DENND1A: variants seen among roughly 807,000 people sequenced by gnomAD.
DENND1A encodes DENN domain containing 1A, also known as DENN domain-containing protein 1A.
Under a neutral mutation model 113.7 loss-of-function variants are expected in DENND1A, and 51 were observed. The observed-to-expected ratio is 0.45, with a 90% CI of 0.36 to 0.57. The LOEUF (loss-of-function observed/expected upper bound fraction) is 0.57, where lower values mean the gene tolerates loss of function less well. DENND1A is among the 20% of genes least tolerant of loss of function. The pLI, the probability that DENND1A is intolerant of heterozygous loss-of-function variation, is 0.00. For synonymous variants in DENND1A, 565 were observed against 570.8 expected (o/e 0.99, Z 0.14); for missense variants, 1,258 against 1,395.9 (o/e 0.90, Z 1.57).
chr9:123,515,811 C>A (rs79152329), intron 13 of DENND1A, among the ~76,000 whole-genome samples: 2 of 151,794 alleles, frequency 1.3e-5, no homozygotes, highest in Admixed American at 6.6e-5. Context: ...CTGAGGTGGG[C>A]GGATCCCTTG....
chr9:123,453,967 G>A (rs1209050445), intron 16 of DENND1A, among the ~76,000 whole-genome samples: 1 of 152,200 alleles, frequency 6.6e-6, no homozygotes, highest in Non-Finnish European at 1.5e-5. Flanking sequence ...CCATACAAGA[G>A]GAACAAAGGA....
chr9:123,823,112 A>G (rs774970841), intron 2 of DENND1A, among the ~76,000 whole-genome samples: 1 of 152,198 alleles, frequency 6.6e-6, no homozygotes, highest in Non-Finnish European at 1.5e-5. Flanking sequence ...GGAACAACTG[A>G]GCAGTGAATA....
intron 5 of DENND1A, among the ~76,000 whole-genome samples, chr9:123,684,439 G>A (rs1248209736): frequency 1.3e-5 from 2 of 152,108 alleles, no homozygotes; most frequent in African/African-American, 4.8e-5. Context: ...AAGGAGGAAA[G>A]ACCCCAGAGC....
intron 16 of DENND1A, among the ~76,000 whole-genome samples, chr9:123,453,298 C>G (rs1177497346): frequency 6.6e-6 from 1 of 152,078 alleles, no homozygotes; most frequent in African/African-American, 2.4e-5. Context: ...TCAGGGAAGG[C>G]CTTGGAGGAT....
At chr9:123,843,861 A>G (rs1205560781) in intron 2 of DENND1A, among the ~76,000 whole-genome samples, 1 of 152,178 alleles carries the variant, frequency 6.6e-6, no homozygotes, top group Non-Finnish European at 1.5e-5. Flanking sequence ...TTCTAGTTAA[A>G]ATAAAGTACT....
chr9:123,483,508 G>C (rs1395869179), intron 13 of DENND1A, among the ~76,000 whole-genome samples: 1 of 152,246 alleles, frequency 6.6e-6, no homozygotes, highest in Non-Finnish European at 1.5e-5. Flanking sequence ...GAACACACAG[G>C]CTTCCCAGGC....
chr9:123,501,867 G>A (rs1470178446), intron 13 of DENND1A, among the ~76,000 whole-genome samples: 5 of 152,178 alleles, frequency 3.3e-5, no homozygotes, highest in Non-Finnish European at 7.3e-5. Flanking sequence ...TTGAAGATCA[G>A]ACTCCAAGTT....
intron 1 of DENND1A, among the ~76,000 whole-genome samples, chr9:123,902,174 T>TACACACACACACACAC (rs9299289): frequency 1.5e-5 from 2 of 132,050 alleles, no homozygotes; most frequent in South Asian, 2.4e-4. Flanking sequence ...CACACACACA[T>TACACACACACACACAC]ACACACACAC....
chr9:123,458,021 G>A (rs190811559), intron 13 of DENND1A, 124 bp from the exon 14 acceptor site: 26 of 624,976 alleles, frequency 4.2e-5, no homozygotes, highest in African/African-American at 3.7e-4. Flanking sequence ...TTTTTTTTGA[G>A]ATGGAGTCTC....
chr9:123,671,439 G>A, intron 6 of DENND1A, 68 bp from the exon 7 acceptor site: 1 of 1,492,878 alleles, frequency 6.7e-7, no homozygotes. Context: ...CTGCAGGGAG[G>A]TCTGGGCACA....
At chr9:123,914,761 C>T (rs1190882212) in intron 1 of DENND1A, among the ~76,000 whole-genome samples, 3 of 151,792 alleles carry the variant, frequency 2.0e-5, no homozygotes, top group African/African-American at 7.3e-5. Flanking sequence ...CTCTTTTAAA[C>T]AACCAGATCA....
chr9:123,761,983 C>T (rs897373108), intron 4 of DENND1A, among the ~76,000 whole-genome samples: 2 of 152,168 alleles, frequency 1.3e-5, no homozygotes, highest in Admixed American at 6.5e-5. Flanking sequence ...CCATCTCACC[C>T]AATTCTCATG....
chr9:123,487,823 G>A (rs910101062), intron 13 of DENND1A, among the ~76,000 whole-genome samples: 5 of 152,212 alleles, frequency 3.3e-5, no homozygotes, highest in Non-Finnish European at 4.4e-5. Context: ...GATATTTCTG[G>A]AGCCCTTATG....
intron 2 of DENND1A, among the ~76,000 whole-genome samples, chr9:123,830,884 A>T (rs1235585514): frequency 6.7e-6 from 1 of 149,686 alleles, no homozygotes; most frequent in African/African-American, 2.4e-5. Flanking sequence ...AAAAAAAAAA[A>T]AAAAAAAAAA....
intron 17 of DENND1A, 66 bp from the exon 18 acceptor site, chr9:123,450,815 C>A: frequency 2.2e-6 from 3 of 1,362,132 alleles, no homozygotes; most frequent in South Asian, 1.3e-5. Flanking sequence ...TGCTTGATTT[C>A]AGTCCATCGA....
At chr9:123,824,501 A>G (rs1488088218) in intron 2 of DENND1A, among the ~76,000 whole-genome samples, 2 of 152,208 alleles carry the variant, frequency 1.3e-5, no homozygotes, top group African/African-American at 2.4e-5. Context: ...AAAATCACCA[A>G]TGGACTACAT....
chr9:123,588,671 A>G (rs2059315746), intron 11 of DENND1A, among the ~76,000 whole-genome samples: 2 of 150,652 alleles, frequency 1.3e-5, no homozygotes, highest in South Asian at 4.2e-4. Context: ...GAAGAAAATT[A>G]CAGTTATCCC....
chr9:123,437,259 A>G (rs115967160), intron 19 of DENND1A, among the ~76,000 whole-genome samples: 410 of 152,336 alleles, frequency 2.7e-3, no homozygotes, highest in African/African-American at 9.4e-3. Flanking sequence ...AAATGGAGGA[A>G]TGATCACAGC....
At chr9:123,898,635 T>C (rs1395566420) in intron 1 of DENND1A, among the ~76,000 whole-genome samples, 1 of 152,224 alleles carries the variant, frequency 6.6e-6, no homozygotes, top group African/African-American at 2.4e-5. Flanking sequence ...ATGTTTTACA[T>C]GAAGGTGGAA....
Sources: allele counts gnomAD v4.1 joint callset (sites outside exome capture counted in the v4.1 genomes callset), GRCh38; gene constraint gnomAD v4.1.1; transcripts MANE v1.5; gene names NCBI Gene and HGNC (gene_info 2026-07-23, HGNC 2026-07-21).